Variants in ASMTL observed in about 807,000 individuals in gnomAD.
The protein encoded by ASMTL is probable bifunctional dTTP/UTP pyrophosphatase/methyltransferase protein.
Under a neutral mutation model 60.3 loss-of-function variants are expected in ASMTL, and 57 were observed. The ratio of observed to expected loss-of-function variants is 0.95; its 90% CI spans 0.76 to 1.18. The LOEUF is 1.18. ASMTL is among the 50% of genes most tolerant of loss of function. The probability of loss-of-function intolerance (pLI) is 0.00; values close to 1 mark genes in which losing one functional copy is unlikely to be tolerated. For missense variants in ASMTL, 981 were observed against 852.6 expected (o/e 1.15, Z -1.88); for synonymous variants, 419 against 373.0 (o/e 1.12, Z -1.42).
intron 6 of ASMTL, 82 bp downstream of exon 6, chrX:1,432,187 A>C: frequency 8.4e-7 from 1 of 1,193,494 alleles, no homozygotes; most frequent in Admixed American, 2.1e-5. Flanking sequence ...TCTTTCCCAA[A>C]GGCTGGGTGG....
intron 2 of ASMTL, chrX:1,441,622 A>G (rs1403594041): frequency 2.0e-5 from 3 of 152,598 alleles, no homozygotes; most frequent in African/African-American, 4.8e-5. Flanking sequence ...CATTAATTCT[A>G]TATCATAAAT....
chrX:1,424,253 C>A (rs1280623575), intron 8 of ASMTL, among the ~76,000 whole-genome samples: 1 of 145,918 alleles, frequency 6.9e-6, no homozygotes, highest in African/African-American at 2.5e-5. Flanking sequence ...TCCATTCATG[C>A]ACTCATCCAC....
upstream of ASMTL, chrX:1,453,482 C>G (rs867140834): frequency 1.3e-5 from 2 of 158,018 alleles, no homozygotes; most frequent in African/African-American, 4.8e-5. Flanking sequence ...TGCAATGGCG[C>G]AGGCAGCTGC....
rs866886338 is a variant in ASMTL, at chrX:1,443,347, G to C, written c.94-1030C>G. On this transcript the variant is annotated intron_variant, in intron 1 of 12. Coordinates refer to ENST00000381317, the MANE Select transcript of ASMTL (RefSeq NM_004192.4). ...TGGACACACACCGCCATCTTGGACA[G>C]ACACCGCCATCTTGGACACACACCA... 2.1e-3 allele frequency among the ~76,000 whole-genome samples: 89 copies of C among 41,972 alleles called. 4 individuals carry two copies. The highest frequency in any genetic ancestry group is 3.8e-3 in the African/African-American group (77 of 20,002). The allele number at this position is 41,972 out of a possible 152,430, so 27.5% of individuals were successfully genotyped here.
chrX:1,453,349 C>A (rs771254978), upstream of ASMTL, among the ~76,000 whole-genome samples: 7 of 150,748 alleles, frequency 4.6e-5, no homozygotes, highest in Non-Finnish European at 7.4e-5. Context: ...CCCCGCCCGC[C>A]TCCCCCCCGG....
chrX:1,420,256 TCTCA>T (rs2090445224), intron 9 of ASMTL, among the ~76,000 whole-genome samples: 1 of 151,676 alleles, frequency 6.6e-6, no homozygotes, highest in Non-Finnish European at 1.5e-5. Flanking sequence ...TCCGTGTCTG[TCTCA>T]CTCTATCTCT....
At chrX:1,437,879 G>C (rs1281603859) in intron 3 of ASMTL, among the ~76,000 whole-genome samples, 10 of 146,090 alleles carry the variant, frequency 6.8e-5, no homozygotes, top group African/African-American at 2.4e-4. Context: ...CCTGGCGACA[G>C]AGTGAGACTC....
rs1271665969 is a variant in ASMTL at position 1,433,478 on chromosome X, C to A, written c.401-1101G>T. Reference sequence around the variant, plus strand: ...CAGGAGATCGAGACCCTCCTGGCTACCACGGTGAAACCCCGTCTCTACTAA... The same window carrying A: ...CAGGAGATCGAGACCCTCCTGGCTAACACGGTGAAACCCCGTCTCTACTAA... On this transcript the variant is annotated intron_variant, in intron 5 of 12. Coordinates refer to ENST00000381317, the MANE Select transcript of ASMTL (RefSeq NM_004192.4). Among the ~76,000 whole-genome samples, 203 of 141,952 alleles carry A rather than the reference C, an allele frequency of 1.4e-3. 1 individual carries two copies. The Middle Eastern group carries it at 0.015, about 11-fold the overall frequency. The allele number at this position is 141,952 out of a possible 152,430, so 93.1% of individuals were successfully genotyped here. A position where few individuals can be genotyped will look rare whatever the true frequency, so the allele number is the denominator to read the frequency against.
intron 9 of ASMTL, among the ~76,000 whole-genome samples, chrX:1,420,363 T>G (rs1267640494): frequency 4.6e-4 from 69 of 150,840 alleles, no homozygotes; most frequent in Admixed American, 4.6e-3. Flanking sequence ...CCCTCTATCT[T>G]TCTGTCTGCC....
At position 1,432,438 on chromosome X, in the gene ASMTL, C is replaced by T. The variant is rs1399458761; in HGVS notation, c.401-61G>A. On this transcript the variant is annotated intron_variant, in intron 5 of 12. Transcript: ENST00000381317. The stretch of plus-strand genomic sequence containing the variant: ...CCAGCTTGTCACCTCCGTGCCCTGA[C>T]AGCTGCGTGGCTGTGCTGTGGAGGT... The T allele has an allele frequency of 3.8e-6, 5 of 1,305,938 alleles. No individual in the cohort carries two copies. The African/African-American group carries it at 7.2e-5, about 19-fold the overall frequency. The allele number at this position is 1,305,938 out of a possible 1,614,324, so 80.9% of individuals were successfully genotyped here.
At chrX:1,417,077 C>G (rs2090310885) in intron 11 of ASMTL, among the ~76,000 whole-genome samples, 1 of 151,832 alleles carries the variant, frequency 6.6e-6, no homozygotes, top group Non-Finnish European at 1.5e-5. Context: ...CAGACACACA[C>G]CATGCACATA....
chrX:1,444,519 T>A (rs773514595), intron 1 of ASMTL, among the ~76,000 whole-genome samples: 4 of 152,246 alleles, frequency 2.6e-5, no homozygotes, highest in African/African-American at 9.6e-5. Flanking sequence ...TCACTTTCTA[T>A]ATTTGTTTCC....
intron 1 of ASMTL, among the ~76,000 whole-genome samples, chrX:1,451,304 C>T (rs2091376200): frequency 7.0e-6 from 1 of 142,086 alleles, no homozygotes; most frequent in African/African-American, 2.7e-5. Context: ...GGGTTACTCT[C>T]CCCTTCCCCA....
chrX:1,452,727 C>T (rs1486173349), intron 1 of ASMTL, 21 bp downstream of exon 1: 1 of 1,572,674 alleles, frequency 6.4e-7, no homozygotes, highest in Non-Finnish European at 8.6e-7. Flanking sequence ...GTCCCCTGCC[C>T]CGCCCAGGCC....
chrX:1,430,876 TAAA>T (rs1159525790), intron 6 of ASMTL, among the ~76,000 whole-genome samples: 12 of 140,256 alleles, frequency 8.6e-5, no homozygotes, highest in African/African-American at 2.6e-4. Flanking sequence ...TTTTATAATA[TAAA>T]AATATATTTT....
chrX:1,414,414 T>C (rs1186161736), intron 11 of ASMTL, among the ~76,000 whole-genome samples: 2 of 152,134 alleles, frequency 1.3e-5, no homozygotes, highest in Admixed American at 6.5e-5. Context: ...TCAGGGCTCA[T>C]GATTTTAAAC....
chrX:1,403,782 TG>T (rs2089684150), intron 12 of ASMTL, among the ~76,000 whole-genome samples: 1 of 151,748 alleles, frequency 6.6e-6, no homozygotes, highest in African/African-American at 2.4e-5. Context: ...AGATGATGGG[TG>T]GGTAGGTAGG....
chrX:1,420,684 C>T (rs1275734410), intron 9 of ASMTL, among the ~76,000 whole-genome samples: 3 of 152,208 alleles, frequency 2.0e-5, no homozygotes, highest in Non-Finnish European at 4.4e-5. Context: ...GAAGGAGGGG[C>T]GAGAGGATGC....
At chrX:1,406,682 GATGA>G (rs1242800737) in intron 12 of ASMTL, among the ~76,000 whole-genome samples, 2 of 151,850 alleles carry the variant, frequency 1.3e-5, no homozygotes, top group Admixed American at 6.6e-5. Context: ...TAAGTAGGTA[GATGA>G]ATGGATGGAT....
Sources: allele counts gnomAD v4.1 joint callset (sites outside exome capture counted in the v4.1 genomes callset), GRCh38; gene constraint gnomAD v4.1.1; transcripts MANE v1.5; gene names NCBI Gene and HGNC (gene_info 2026-07-23, HGNC 2026-07-21).